Variants in HSPG2 observed in about 807,000 individuals in gnomAD.
HSPG2 encodes basement membrane-specific heparan sulfate proteoglycan core protein.
A neutral mutation model predicts 526.6 loss-of-function variants in HSPG2; 278 were observed. The ratio of observed to expected loss-of-function variants is 0.53; its 90% CI spans 0.48 to 0.58. The LOEUF (loss-of-function observed/expected upper bound fraction) is 0.58, where lower values mean the gene tolerates loss of function less well. Ranked by LOEUF, HSPG2 falls within the 20% of genes least tolerant of loss-of-function variation. The probability of loss-of-function intolerance (pLI) is 0.00; values close to 1 mark genes in which losing one functional copy is unlikely to be tolerated. For missense variants in HSPG2, 5,354 were observed against 6,099.5 expected (o/e 0.88, Z 4.07); for synonymous variants, 2,465 against 2,555.4 (o/e 0.96, Z 1.07).
At chr1:21,932,350 A>C (rs991706945) in intron 1 of HSPG2, among the ~76,000 whole-genome samples, 2 of 152,166 alleles carry the variant, frequency 1.3e-5, no homozygotes, top group African/African-American at 4.8e-5. Flanking sequence ...GAGTGTGTGG[A>C]TATGTAAGTC....
intron 86 of HSPG2, 189 bp downstream of exon 86, chr1:21,829,804 G>A: frequency 1.4e-6 from 1 of 702,708 alleles, no homozygotes; most frequent in South Asian, 1.8e-5. Context: ...ATATGACAGG[G>A]GTCCTCTTTG....
chr1:21,863,143 C>A (rs1270741773), intron 37 of HSPG2, among the ~76,000 whole-genome samples: 1 of 144,372 alleles, frequency 6.9e-6, no homozygotes, highest in Non-Finnish European at 1.5e-5. Context: ...GAGGCCAAGG[C>A]GGGTGGATCA....
At chr1:21,861,036 G>T (rs891196546) in intron 39 of HSPG2, among the ~76,000 whole-genome samples, 1 of 152,214 alleles carries the variant, frequency 6.6e-6, no homozygotes, top group Admixed American at 6.5e-5. Context: ...CTCAGAGCAG[G>T]CTGTACTTTT....
At chr1:21,889,099 G>A (rs1414818765) in intron 6 of HSPG2, among the ~76,000 whole-genome samples, 1 of 152,114 alleles carries the variant, frequency 6.6e-6, no homozygotes, top group Non-Finnish European at 1.5e-5. Flanking sequence ...CTTTAATTGA[G>A]GTGCGGAACA....
Position 21,874,025 on chromosome 1 carries a change from C to T in HSPG2, c.3657-14G>A. ...GTGTGGGCAGCCCTGAGTGTGGGGGCAGATTTCTAGTCAGGAACGCAGTGG... is the reference window on the plus strand; with the variant it reads ...GTGTGGGCAGCCCTGAGTGTGGGGGTAGATTTCTAGTCAGGAACGCAGTGG... On this transcript the variant is annotated splice_polypyrimidine_tract_variant and intron_variant, in intron 28 of 96. Transcript: ENST00000374695. 2 of 1,590,136 alleles carry T rather than the reference C, an allele frequency of 1.3e-6. No individual in the cohort carries two copies. Among genetic ancestry groups the T allele is most frequent in the Non-Finnish European group, 1.7e-6 (2 of 1,166,782 alleles).
Position 21,824,124 on chromosome 1 carries a change from A to G in HSPG2, c.12896T>C (p.Leu4299Pro), listed in dbSNP as rs1292650766. ...AGTGCCCGGCAGGGTCCCTTACCGC[A>G]GTGCTGTCACCCGGTGCCACTCGCC... is the stretch of plus-strand genomic sequence containing the variant. Reference protein sequence around the residue: ...NDGEWHRVTALREGRRGSIQV... With the variant: ...NDGEWHRVTAPREGRRGSIQV... The change falls in exon 95 of 97, where the codon CTG becomes CCG. Residue 4299 changes from leucine to proline, a missense_variant. Transcript: ENST00000374695. The surrounding 1 kb of genome is among the most constrained non-coding windows in gnomAD (Gnocchi z 5.9). 4 of 1,612,812 alleles carry G rather than the reference A, an allele frequency of 2.5e-6. No individual in the cohort carries two copies. Among genetic ancestry groups the G allele is most frequent in the Non-Finnish European group, 3.4e-6 (4 of 1,179,876 alleles).
At chr1:21,918,634 A>G (rs1643946773) in intron 1 of HSPG2, among the ~76,000 whole-genome samples, 1 of 152,168 alleles carries the variant, frequency 6.6e-6, no homozygotes, top group African/African-American at 2.4e-5. Flanking sequence ...CCCTCATTCT[A>G]TAGAGGAGGG....
chr1:21,932,837 G>A (rs546110752), intron 1 of HSPG2, among the ~76,000 whole-genome samples: 3 of 152,218 alleles, frequency 2.0e-5, no homozygotes, highest in Admixed American at 6.5e-5. Flanking sequence ...GGCTGAGGTG[G>A]GAGGATAGCT....
intron 1 of HSPG2, among the ~76,000 whole-genome samples, chr1:21,907,503 G>A (rs1643441836): frequency 6.6e-6 from 1 of 152,100 alleles, no homozygotes; most frequent in African/African-American, 2.4e-5. Flanking sequence ...TTAGAGTTTG[G>A]GCCCCTTCCC....
intron 71 of HSPG2, 65 bp downstream of exon 71, chr1:21,841,036 A>G: frequency 1.3e-6 from 2 of 1,491,080 alleles, no homozygotes; most frequent in Non-Finnish European, 1.8e-6. Flanking sequence ...TATCTCCTCC[A>G]AGCACCCGCT....
At position 21,828,412 on chromosome 1, in the gene HSPG2, G is replaced by A; in HGVS notation, c.12252C>T (p.Gly4084=). ...RGCVGEVSVN[G]KRLDLTYSFL... ...AACTGTAGGTGAGGTCCAGCCGTTT[G>A]CCATTCACTGACACCTGTGGGGACA... Residue 4084 remains glycine (G), a synonymous_variant, in exon 89 of 97, where the codon GGC becomes GGT. Transcript: ENST00000374695. This position sits in a 1 kb window ranked among gnomAD's most constrained non-coding sequence, Gnocchi z 6.0. The A allele has an allele frequency of 6.2e-7, 1 of 1,613,496 alleles. No individual in the cohort carries two copies. The highest frequency in any genetic ancestry group is 8.5e-7 in the Non-Finnish European group (1 of 1,180,014).
chr1:21,838,750 G>T, intron 74 of HSPG2, 75 bp downstream of exon 74: 1 of 1,512,396 alleles, frequency 6.6e-7, no homozygotes, highest in East Asian at 2.3e-5. Flanking sequence ...CTTCCCACCC[G>T]AGTCTGCCTA....
Position 21,890,710 on chromosome 1 carries a change from A to C in HSPG2, c.245-16T>G, listed in dbSNP as rs1377382845. 3 of 1,594,446 alleles carry C rather than the reference A, an allele frequency of 1.9e-6. No individual in the cohort carries two copies. Among genetic ancestry groups the C allele is most frequent in the Non-Finnish European group, 8.6e-7 (1 of 1,163,574 alleles). On this transcript the variant is annotated splice_polypyrimidine_tract_variant and intron_variant, in intron 3 of 96. Coordinates refer to ENST00000374695, the MANE Select transcript of HSPG2 (RefSeq NM_005529.7). The surrounding 1 kb of genome is among the most constrained non-coding windows in gnomAD (Gnocchi z 4.1). Reference sequence around the variant, plus strand: ...CGGAAATAAACTGGAAAATCGAAGGAGGATCATTTTGAGAGCCCCAGCCTG... The same window carrying C: ...CGGAAATAAACTGGAAAATCGAAGGCGGATCATTTTGAGAGCCCCAGCCTG...
Position 21,831,493 on chromosome 1 carries a change from G to A in HSPG2, c.11422C>T (p.Pro3808Ser), listed in dbSNP as rs755818301. 7 of 1,614,144 alleles carry A rather than the reference G, an allele frequency of 4.3e-6. No homozygotes were observed. In the East Asian group the frequency reaches 1.3e-4, roughly 31 times the overall value. ...AAGCCGCTGCTCAGCCCCGCCTTGG[G>A]GATGGCACCATAGTCAGGATAGCCA... is the stretch of plus-strand genomic sequence containing the variant. ...LGGYPDYGAI[P>S]KAGLSSGFIG... The change falls in exon 83 of 97, where the codon CCC becomes TCC. Residue 3808 changes from proline to serine, a missense_variant. Physicochemically the swap from Pro to Ser is moderately conservative, Grantham distance 74. Coordinates refer to ENST00000374695, the MANE Select transcript of HSPG2 (RefSeq NM_005529.7).
rs902174029 is a variant in HSPG2 at position 21,898,558 on chromosome 1, T to C, written c.64-2248A>G. Among the ~76,000 whole-genome samples, 2 of 152,228 alleles carry C rather than the reference T, an allele frequency of 1.3e-5. No homozygotes were observed. Among genetic ancestry groups the C allele is most frequent in the African/African-American group, 4.8e-5 (2 of 41,476 alleles). The stretch of plus-strand genomic sequence containing the variant: ...AGGAGGGTGGTCTTAGTTGTGCATG[T>C]CCAGGGGATTCCCACAGTCCCTGGT... On this transcript the variant is annotated intron_variant, in intron 1 of 96. Transcript: ENST00000374695. The surrounding 1 kb of genome is among the most constrained non-coding windows in gnomAD (Gnocchi z 4.0).
At chr1:21,836,105 G>C (rs1557685771) in intron 75 of HSPG2, among the ~76,000 whole-genome samples, 1 of 152,272 alleles carries the variant, frequency 6.6e-6, no homozygotes, top group Non-Finnish European at 1.5e-5. Context: ...AGGCAGGTTG[G>C]GGGGCACCAC....
At chr1:21,936,568 T>C (rs570563803) in intron 1 of HSPG2, among the ~76,000 whole-genome samples, 7 of 152,174 alleles carry the variant, frequency 4.6e-5, no homozygotes, top group Non-Finnish European at 8.8e-5. Context: ...GGTCACACAG[T>C]TACTCAGTGA....
At chr1:21,873,493 G>A (rs1640812860) in intron 29 of HSPG2, 69 bp from the exon 30 acceptor site, 4 of 1,448,782 alleles carry the variant, frequency 2.8e-6, no homozygotes, top group South Asian at 2.3e-5. Flanking sequence ...TGGGCTGAGG[G>A]CCCCATATTG....
Position 21,901,317 on chromosome 1 carries a change from A to G in HSPG2, c.64-5007T>C, listed in dbSNP as rs1054010471. 2.0e-5 allele frequency among the ~76,000 whole-genome samples: 3 copies of G among 152,216 alleles called. No individual in the cohort carries two copies. In the South Asian group the frequency reaches 6.2e-4, roughly 32 times the overall value. On this transcript the variant is annotated intron_variant, in intron 1 of 96. Transcript: ENST00000374695. ...GAATTACTTATACAGTAAGTGCTTAATAAGCATTAGGATTAGTATCATGCA... is the reference window on the plus strand; with the variant it reads ...GAATTACTTATACAGTAAGTGCTTAGTAAGCATTAGGATTAGTATCATGCA...
Sources: allele counts gnomAD v4.1 joint callset (sites outside exome capture counted in the v4.1 genomes callset), GRCh38; gene constraint gnomAD v4.1.1; non-coding constraint Gnocchi (gnomAD v3.1); transcripts MANE v1.5; gene names NCBI Gene and HGNC (gene_info 2026-07-23, HGNC 2026-07-21).